Variants in RBFOX1 observed in about 807,000 individuals in gnomAD.
The protein encoded by RBFOX1 is RNA binding protein fox-1 homolog 1.
In RBFOX1, 8 loss-of-function variants were observed where a neutral mutation model predicts 57.7. The observed-to-expected ratio is 0.14, with a 90% CI of 0.08 to 0.25. The LOEUF (loss-of-function observed/expected upper bound fraction) is 0.25, where lower values mean the gene tolerates loss of function less well. RBFOX1 is among the 10% of genes least tolerant of loss of function. The pLI is 1.00. For missense variants in RBFOX1, 611 were observed against 548.5 expected (o/e 1.11, Z -1.14); for synonymous variants, 326 against 222.4 (o/e 1.47, Z -4.15).
intron 2 of RBFOX1, among the ~76,000 whole-genome samples, chr16:6,429,423 C>T (rs753283388): frequency 6.6e-6 from 1 of 152,212 alleles, no homozygotes; most frequent in Non-Finnish European, 1.5e-5. Context: ...CCAACATTCA[C>T]TTTTCTATAG....
At chr16:6,692,531 C>T (rs767203019) in intron 3 of RBFOX1, among the ~76,000 whole-genome samples, 1 of 152,166 alleles carries the variant, frequency 6.6e-6, no homozygotes, top group Non-Finnish European at 1.5e-5. Context: ...CTCCTGGTTC[C>T]TCTCTGAATT....
At chr16:7,317,508 C>T (rs1012801789) in intron 4 of RBFOX1, among the ~76,000 whole-genome samples, 12 of 152,274 alleles carry the variant, frequency 7.9e-5, no homozygotes, top group Admixed American at 3.9e-4. Flanking sequence ...ATCACCATCA[C>T]GAAGCAACTG....
intron 1 of RBFOX1, among the ~76,000 whole-genome samples, chr16:6,258,585 A>G (rs576741559): frequency 4.6e-5 from 7 of 152,338 alleles, no homozygotes; most frequent in African/African-American, 1.7e-4. Context: ...GCAGTGTCAT[A>G]CTGAATACCT....
intron 5 of RBFOX1, among the ~76,000 whole-genome samples, chr16:7,534,463 C>G (rs1220087771): frequency 6.6e-6 from 1 of 152,036 alleles, no homozygotes; most frequent in Non-Finnish European, 1.5e-5. Context: ...GCAACTGATG[C>G]CTTTCTCTGA....
intron 2 of RBFOX1, among the ~76,000 whole-genome samples, chr16:6,544,117 C>G (rs1459388867): frequency 1.3e-5 from 2 of 152,178 alleles, no homozygotes; most frequent in Non-Finnish European, 2.9e-5. Context: ...TCTTATCTGT[C>G]TTTGCATCCC....
chr16:5,318,650 G>A (rs1379072868), intron 1 of RBFOX1, among the ~76,000 whole-genome samples: 1 of 152,164 alleles, frequency 6.6e-6, no homozygotes, highest in African/African-American at 2.4e-5. Context: ...CCTCCTTGTG[G>A]TAGACAGACT....
intron 3 of RBFOX1, among the ~76,000 whole-genome samples, chr16:5,835,053 G>C (rs902566288): frequency 2.4e-4 from 37 of 152,294 alleles, no homozygotes; most frequent in Admixed American, 2.0e-4. Context: ...TATTGGTGCA[G>C]ATGAATCCTG....
chr16:6,095,057 C>G (rs1284207629), intron 1 of RBFOX1, among the ~76,000 whole-genome samples: 2 of 152,090 alleles, frequency 1.3e-5, no homozygotes, highest in African/African-American at 2.4e-5. Flanking sequence ...GATACTCCAT[C>G]TCAAGAAAAA....
chr16:6,591,610 T>C (rs2097712319), intron 2 of RBFOX1, among the ~76,000 whole-genome samples: 1 of 152,318 alleles, frequency 6.6e-6, no homozygotes, highest in Non-Finnish European at 1.5e-5. Context: ...TGTCAGATGA[T>C]AGAAACTGCT....
chr16:7,069,275 T>C (rs1474968239), intron 4 of RBFOX1, among the ~76,000 whole-genome samples: 1 of 152,222 alleles, frequency 6.6e-6, no homozygotes, highest in Non-Finnish European at 1.5e-5. Flanking sequence ...CCATGGTGTT[T>C]TGCTGCACCT....
intron 3 of RBFOX1, among the ~76,000 whole-genome samples, chr16:7,019,972 GCT>G (rs941302525): frequency 2.7e-5 from 4 of 149,712 alleles, no homozygotes; most frequent in Non-Finnish European, 5.9e-5. Context: ...CTTTCTTCTG[GCT>G]CTCTCTTTTT....
intron 3 of RBFOX1, among the ~76,000 whole-genome samples, chr16:7,045,740 C>G (rs1479643900): frequency 6.6e-6 from 1 of 152,104 alleles, no homozygotes; most frequent in Non-Finnish European, 1.5e-5. Flanking sequence ...CTGCCTACCT[C>G]TGCCACCCAG....
intron 5 of RBFOX1, among the ~76,000 whole-genome samples, chr16:7,579,558 G>A (rs2093593280): frequency 6.6e-6 from 1 of 152,140 alleles, no homozygotes; most frequent in Non-Finnish European, 1.5e-5. Flanking sequence ...ATTTTTGTCT[G>A]CTTTTCCCAC....
intron 5 of RBFOX1, among the ~76,000 whole-genome samples, chr16:7,547,905 C>T (rs576575202): frequency 1.3e-5 from 2 of 152,272 alleles, no homozygotes; most frequent in Non-Finnish European, 2.9e-5. Flanking sequence ...TACCACCAGC[C>T]GTGTTCCCGT....
chr16:6,853,274 G>A (rs969146103), intron 3 of RBFOX1, among the ~76,000 whole-genome samples: 2 of 152,162 alleles, frequency 1.3e-5, no homozygotes, highest in African/African-American at 4.8e-5. Flanking sequence ...AATGTTGGCT[G>A]TAATTATTAT....
intron 4 of RBFOX1, among the ~76,000 whole-genome samples, chr16:7,272,387 G>A (rs1235617943): frequency 6.6e-6 from 1 of 152,082 alleles, no homozygotes; most frequent in Non-Finnish European, 1.5e-5. Flanking sequence ...GTTCCGCCAT[G>A]TTGGCCAGGT....
At chr16:7,298,717 C>T (rs1017430208) in intron 4 of RBFOX1, among the ~76,000 whole-genome samples, 1 of 152,136 alleles carries the variant, frequency 6.6e-6, no homozygotes, top group African/African-American at 2.4e-5. Flanking sequence ...CTACAATAAA[C>T]TAAGCTAGGG....
Position 5,843,037 on chromosome 16 carries a change from C to T in RBFOX1, c.319-24266C>T, listed in dbSNP as rs151131575. Among the ~76,000 whole-genome samples, 917 of 152,150 alleles carry T rather than the reference C, an allele frequency of 6.0e-3. 23 individuals carry two copies. The highest frequency in any genetic ancestry group is 0.058 in the East Asian group (298 of 5,160). On this transcript the variant is annotated intron_variant, in intron 3 of 19. Coordinates refer to the RBFOX1 transcript ENST00000641259. ...AGAGACGGGGTTTCACCATGTTGGCCAGGCTGGTCTCGAACTCCTGACCTC... is the reference window on the plus strand; with the variant it reads ...AGAGACGGGGTTTCACCATGTTGGCTAGGCTGGTCTCGAACTCCTGACCTC...
chr16:6,944,250 C>T (rs750275472), intron 3 of RBFOX1, among the ~76,000 whole-genome samples: 1 of 151,888 alleles, frequency 6.6e-6, no homozygotes, highest in Non-Finnish European at 1.5e-5. Context: ...CAAAAATAAG[C>T]CAGGCATGGT....
Sources: allele counts gnomAD v4.1 joint callset (sites outside exome capture counted in the v4.1 genomes callset), GRCh38; gene constraint gnomAD v4.1.1; transcripts MANE v1.5; gene names NCBI Gene and HGNC (gene_info 2026-07-23, HGNC 2026-07-21).